LRRIQ1: variants seen among roughly 807,000 people sequenced by gnomAD.
The protein encoded by LRRIQ1 is leucine rich repeats and IQ motif containing 1.
In LRRIQ1, 210 loss-of-function variants were observed where a neutral mutation model predicts 211.9. That is an observed-to-expected ratio of 0.99 (90% CI 0.89 to 1.11). The LOEUF (loss-of-function observed/expected upper bound fraction) is 1.11, where lower values mean the gene tolerates loss of function less well. Among genes scored for constraint, LRRIQ1 ranks in the 50% most tolerant of loss-of-function variants. The pLI, the probability that LRRIQ1 is intolerant of heterozygous loss-of-function variation, is 0.00. For synonymous variants in LRRIQ1, 699 were observed against 650.1 expected, an observed-to-expected ratio of 1.08 and a Z score of -1.14; for missense variants, 2,136 against 1,939.5, an observed-to-expected ratio of 1.10 and a Z score of -1.90.
intron 25 of LRRIQ1, among the ~76,000 whole-genome samples, chr12:85,232,400 T>C (rs1364544060): frequency 6.6e-6 from 1 of 152,140 alleles, no homozygotes; most frequent in Non-Finnish European, 1.5e-5. Flanking sequence ...TTCTATAATT[T>C]GTTAACCATC....
chr12:85,238,236 CTT>C (rs967054757), intron 26 of LRRIQ1, among the ~76,000 whole-genome samples: 3 of 151,416 alleles, frequency 2.0e-5, no homozygotes, highest in Admixed American at 2.0e-4. Context: ...GAAAAAATAA[CTT>C]AAAAAAAATC....
intron 24 of LRRIQ1, among the ~76,000 whole-genome samples, chr12:85,195,416 A>G (rs1250228256): frequency 6.6e-6 from 1 of 151,814 alleles, no homozygotes; most frequent in Admixed American, 6.6e-5. Context: ...ATTGATGCAA[A>G]AATCCTCAAT....
At chr12:85,185,718 A>T (rs926614489) in intron 24 of LRRIQ1, among the ~76,000 whole-genome samples, 1 of 152,110 alleles carries the variant, frequency 6.6e-6, no homozygotes, top group African/African-American at 2.4e-5. Flanking sequence ...ATTGTGCATT[A>T]TCTGTCTCAT....
At chr12:85,081,728 T>C (rs1884312388) in intron 11 of LRRIQ1, among the ~76,000 whole-genome samples, 1 of 124,092 alleles carries the variant, frequency 8.1e-6, no homozygotes. Context: ...TTCTTCTTTT[T>C]TTTTTTTTTT....
intron 24 of LRRIQ1, among the ~76,000 whole-genome samples, chr12:85,228,828 C>T (rs1894795801): frequency 6.6e-6 from 1 of 152,212 alleles, no homozygotes; most frequent in African/African-American, 2.4e-5. Context: ...AATAAATTGA[C>T]TTTAAATTTT....
chr12:85,115,725 A>G (rs1292971291), intron 15 of LRRIQ1, among the ~76,000 whole-genome samples: 2 of 152,168 alleles, frequency 1.3e-5, no homozygotes, highest in Admixed American at 1.3e-4. Context: ...CATCTGAACA[A>G]CTTTTGTGTA....
chr12:85,185,831 TTAC>T (rs1372433124), intron 24 of LRRIQ1, among the ~76,000 whole-genome samples: 114 of 152,116 alleles, frequency 7.5e-4, no homozygotes, highest in African/African-American at 2.6e-3. Context: ...TTGCTACATA[TTAC>T]TACTATTTAT....
intron 2 of LRRIQ1, among the ~76,000 whole-genome samples, chr12:85,039,984 C>T (rs533654311): frequency 3.3e-5 from 5 of 151,544 alleles, no homozygotes; most frequent in South Asian, 2.1e-4. Context: ...ATTTACAAAT[C>T]GAGTTACATA....
chr12:85,236,396 C>A (rs1565920957), intron 26 of LRRIQ1, among the ~76,000 whole-genome samples: 1 of 151,920 alleles, frequency 6.6e-6, no homozygotes, highest in South Asian at 2.1e-4. Flanking sequence ...TCAGGTAACC[C>A]AATGAATACA....
chr12:85,202,710 T>C (rs2137026627), intron 24 of LRRIQ1, among the ~76,000 whole-genome samples: 1 of 152,342 alleles, frequency 6.6e-6, no homozygotes, highest in East Asian at 1.9e-4. Context: ...CAAGACAGCA[T>C]GCAATTGGGT....
intron 15 of LRRIQ1, among the ~76,000 whole-genome samples, chr12:85,119,988 C>T (rs1211353623): frequency 6.6e-6 from 1 of 152,058 alleles, no homozygotes. Flanking sequence ...TTGAGATTGT[C>T]TTTCATACAG....
intron 1 of LRRIQ1, among the ~76,000 whole-genome samples, chr12:85,257,083 AT>A (rs1368242027): frequency 6.7e-5 from 6 of 89,644 alleles, no homozygotes; most frequent in South Asian, 2.9e-4. Context: ...AATATATATA[AT>A]TATATTATAT....
chr12:85,150,387 T>C (rs1195107089), intron 19 of LRRIQ1, among the ~76,000 whole-genome samples: 1 of 151,814 alleles, frequency 6.6e-6, no homozygotes, highest in East Asian at 1.9e-4. Flanking sequence ...CTAAATCCTG[T>C]TTACAATTTT....
Position 85,066,820 on chromosome 12 carries a change from C to A in LRRIQ1, c.2617C>A (p.Leu873Met), listed in dbSNP as rs760677571. The A allele has an allele frequency of 6.9e-6, 11 of 1,595,914 alleles. No individual in the cohort carries two copies. Among genetic ancestry groups the A allele is most frequent in the Non-Finnish European group, 9.4e-6 (11 of 1,168,770 alleles). The change falls in exon 10 of 27, where the codon CTG becomes ATG. Residue 873 changes from leucine (L) to methionine (M), a missense_variant. By Grantham distance (15) the Leu-to-Met change is conservative. Transcript: ENST00000393217. Reference protein sequence around the residue: ...LCVVLLNKNQLTSLHGLDGCT... With the variant: ...LCVVLLNKNQMTSLHGLDGCT... The stretch of plus-strand genomic sequence containing the variant: ...TGTTGTTCTTCTTAATAAAAATCAA[C>A]TGACTTCTCTTCATGGTTTGGATGG...
intron 7 of LRRIQ1, among the ~76,000 whole-genome samples, chr12:85,053,738 C>T (rs1880612540): frequency 6.6e-6 from 1 of 152,132 alleles, no homozygotes; most frequent in South Asian, 2.1e-4. Context: ...GATGGAGTCT[C>T]GCTCCGTCGC....
intron 24 of LRRIQ1, among the ~76,000 whole-genome samples, chr12:85,170,431 A>G (rs1380114218): frequency 6.6e-6 from 1 of 151,022 alleles, no homozygotes; most frequent in East Asian, 1.9e-4. Context: ...TATACTATGC[A>G]TATACAAAAA....
At chr12:85,250,463 G>A (rs563225087) in intron 1 of LRRIQ1, among the ~76,000 whole-genome samples, 1 of 151,678 alleles carries the variant, frequency 6.6e-6, no homozygotes, top group East Asian at 2.0e-4. Context: ...TTATGAGCCA[G>A]GTGCAATGGC....
rs142707405 is a variant in LRRIQ1, at chr12:85,063,230, T to G, written c.2392-2032T>G. Among the ~76,000 whole-genome samples the G allele has an allele frequency of 4.2e-3, 640 of 151,760 alleles. 4 individuals carry two copies. The highest frequency in any genetic ancestry group is 0.014 in the African/African-American group (600 of 41,444). On this transcript the variant is annotated intron_variant, in intron 8 of 26. Coordinates refer to ENST00000393217, the MANE Select transcript of LRRIQ1 (RefSeq NM_001079910.2). ...AGGCCCCACTTGTCAATTTTTTTTT[T>G]TTGTTGCAATTGCTTTTGAGGACTT...
intron 24 of LRRIQ1, among the ~76,000 whole-genome samples, chr12:85,210,198 A>T (rs1893770529): frequency 6.6e-6 from 1 of 152,194 alleles, no homozygotes; most frequent in Admixed American, 6.5e-5. Context: ...GTCCTAGGAT[A>T]TTATGTATGA....
Sources: allele counts gnomAD v4.1 joint callset (sites outside exome capture counted in the v4.1 genomes callset), GRCh38; gene constraint gnomAD v4.1.1; transcripts MANE v1.5; gene names NCBI Gene and HGNC (gene_info 2026-07-23, HGNC 2026-07-21).